MCTP1: variants seen among roughly 807,000 people sequenced by gnomAD.
MCTP1 encodes multiple C2 and transmembrane domain containing 1.
MCTP1 carries 69 observed loss-of-function variants against 120.6 expected under a neutral mutation model. That is an observed-to-expected ratio of 0.57 (90% confidence interval 0.47 to 0.70). The LOEUF is 0.70. Among genes scored for constraint, MCTP1 ranks in the 30% least tolerant of loss-of-function variants. MCTP1 has a pLI of 0.00. For missense variants in MCTP1, 1,203 were observed against 1,248.8 expected (o/e 0.96, Z 0.55); for synonymous variants, 529 against 493.1 (o/e 1.07, Z -0.96).
At chr5:94,796,294 T>C (rs1684321884) in intron 18 of MCTP1, among the ~76,000 whole-genome samples, 1 of 152,052 alleles carries the variant, frequency 6.6e-6, no homozygotes, top group Admixed American at 6.5e-5. Flanking sequence ...TGATTTTTGG[T>C]GGCAGAAAAT....
intron 1 of MCTP1, among the ~76,000 whole-genome samples, chr5:95,191,596 T>C (rs1402075518): frequency 2.6e-5 from 4 of 152,052 alleles, no homozygotes; most frequent in Non-Finnish European, 5.9e-5. Flanking sequence ...AGTGAGTCAC[T>C]TTCCTTTGTT....
intron 6 of MCTP1, among the ~76,000 whole-genome samples, chr5:94,929,114 G>A (rs555144253): frequency 6.6e-6 from 1 of 152,272 alleles, no homozygotes; most frequent in South Asian, 2.1e-4. Flanking sequence ...TTGCAGAGCG[G>A]GGAGACAGGC....
At chr5:95,277,568 C>A (rs1562297211) in intron 1 of MCTP1, among the ~76,000 whole-genome samples, 1 of 152,224 alleles carries the variant, frequency 6.6e-6, no homozygotes, top group Non-Finnish European at 1.5e-5. Flanking sequence ...GAGTAGTCTT[C>A]CCCTGAACTG....
In MCTP1 at chr5:94,870,507, T is replaced by C. The variant is rs754950985; in HGVS notation, c.2242-16A>G. 36 of 1,521,288 alleles carry C rather than the reference T, an allele frequency of 2.4e-5. No individual in the cohort carries two copies. The South Asian group carries it at 2.6e-4, about 11-fold the overall frequency. The allele number at this position is 1,521,288 out of a possible 1,614,324, so 94.2% of individuals were successfully genotyped here. On this transcript the variant is annotated splice_polypyrimidine_tract_variant and intron_variant, in intron 15 of 22. Coordinates refer to ENST00000515393, the MANE Select transcript of MCTP1 (RefSeq NM_024717.7). ...TGGCTTTCACCTATACATCAACATA[T>C]GTGTCTGTTATGGATTAATATATTA... is the stretch of plus-strand genomic sequence containing the variant.
chr5:94,927,243 G>A (rs1189585651), intron 6 of MCTP1, among the ~76,000 whole-genome samples: 3 of 151,752 alleles, frequency 2.0e-5, no homozygotes, highest in South Asian at 4.2e-4. Flanking sequence ...GGTTAGGTGG[G>A]GTCAAAATAT....
At chr5:94,877,652 AG>A (rs2153348746) in intron 12 of MCTP1, 1 of 152,222 alleles carries the variant, frequency 6.6e-6, no homozygotes, top group East Asian at 1.9e-4. Flanking sequence ...TCTCACTCTT[AG>A]TCCTTGCTCT....
chr5:95,268,813 G>A (rs1309510418), intron 1 of MCTP1, among the ~76,000 whole-genome samples: 3 of 152,144 alleles, frequency 2.0e-5, no homozygotes, highest in Non-Finnish European at 2.9e-5. Context: ...CCAAAGCTGC[G>A]GACTCAGACA....
At chr5:94,789,300 T>G (rs1778389406) in intron 18 of MCTP1, 1 of 152,328 alleles carries the variant, frequency 6.6e-6, no homozygotes, top group Non-Finnish European at 1.5e-5. Flanking sequence ...AAGTCTCTCT[T>G]CTGAGTCCTA....
intron 1 of MCTP1, among the ~76,000 whole-genome samples, chr5:95,134,457 T>G: frequency 6.6e-6 from 1 of 152,304 alleles, no homozygotes; most frequent in East Asian, 1.9e-4. Flanking sequence ...ATTCAGTGGG[T>G]TGGCAATTTG....
chr5:95,180,448 T>G (rs1473648639), intron 1 of MCTP1, among the ~76,000 whole-genome samples: 1 of 152,246 alleles, frequency 6.6e-6, no homozygotes, highest in Non-Finnish European at 1.5e-5. Flanking sequence ...TAGGAGCATT[T>G]TGACCAAAGC....
chr5:94,746,849 C>G (rs1767015331), intron 19 of MCTP1, among the ~76,000 whole-genome samples: 1 of 152,208 alleles, frequency 6.6e-6, no homozygotes, highest in Non-Finnish European at 1.5e-5. Context: ...CATTCTTACC[C>G]TGTCACTCAC....
chr5:95,053,772 C>T (rs1486049744), intron 1 of MCTP1, among the ~76,000 whole-genome samples: 2 of 152,062 alleles, frequency 1.3e-5, no homozygotes, highest in African/African-American at 2.4e-5. Flanking sequence ...TGGCCAAATG[C>T]GACCTCCACA....
chr5:95,241,753 G>A (rs1756186400), intron 1 of MCTP1, among the ~76,000 whole-genome samples: 1 of 152,120 alleles, frequency 6.6e-6, no homozygotes, highest in African/African-American at 2.4e-5. Context: ...CATTTACACT[G>A]GCATTACAGT....
intron 17 of MCTP1, among the ~76,000 whole-genome samples, chr5:94,833,799 G>T (rs1234998481): frequency 6.6e-6 from 1 of 152,158 alleles, no homozygotes; most frequent in Non-Finnish European, 1.5e-5. Context: ...AAAAATTGGG[G>T]TGGGTGATGA....
At chr5:94,828,281 G>A (rs1261083708) in intron 17 of MCTP1, among the ~76,000 whole-genome samples, 1 of 152,202 alleles carries the variant, frequency 6.6e-6, no homozygotes, top group African/African-American at 2.4e-5. Flanking sequence ...CACCAGCAGA[G>A]GCTGCAGAAC....
rs952217034 is a variant in MCTP1, at chr5:95,248,575, G to A, written c.720+35281C>T. ...CTCATGGATAGGAAGAATCAATATC[G>A]TAAAAATGGCCAGAATGCCCAAGGT... is the stretch of plus-strand genomic sequence containing the variant. On this transcript the variant is annotated intron_variant, in intron 1 of 22. Transcript: ENST00000515393. 4.6e-5 allele frequency among the ~76,000 whole-genome samples: 7 copies of A among 152,082 alleles called. No homozygotes were observed. In the East Asian group the frequency reaches 1.2e-3, roughly 25 times the overall value.
At chr5:95,219,381 C>CAA (rs11414984) in intron 1 of MCTP1, among the ~76,000 whole-genome samples, 5,157 of 85,750 alleles carry the variant, frequency 0.06, 158 homozygotes, top group Non-Finnish European at 0.082. Context: ...GACTCCATCT[C>CAA]AAAAAAAAAA....
At chr5:95,005,334 T>C (rs1403344379) in intron 2 of MCTP1, among the ~76,000 whole-genome samples, 1 of 152,130 alleles carries the variant, frequency 6.6e-6, no homozygotes, top group Non-Finnish European at 1.5e-5. Flanking sequence ...GACTTGGACT[T>C]TTGAGTTAAT....
chr5:95,264,122 C>G (rs1758695417), intron 1 of MCTP1, among the ~76,000 whole-genome samples: 1 of 152,134 alleles, frequency 6.6e-6, no homozygotes, highest in South Asian at 2.1e-4. Context: ...TGCTTATATT[C>G]TAGGCTCTGA....
Sources: allele counts gnomAD v4.1 joint callset (sites outside exome capture counted in the v4.1 genomes callset), GRCh38; gene constraint gnomAD v4.1.1; transcripts MANE v1.5; gene names NCBI Gene and HGNC (gene_info 2026-07-23, HGNC 2026-07-21).